RBMS1: variants seen among roughly 807,000 people sequenced by gnomAD.
The protein encoded by RBMS1 is RNA binding motif single stranded interacting protein 1.
RBMS1 carries 17 observed loss-of-function variants against 62.3 expected under a neutral mutation model. The ratio of observed to expected loss-of-function variants is 0.27; its 90% CI spans 0.19 to 0.41. The LOEUF is 0.41. Among genes scored for constraint, RBMS1 ranks in the 10% least tolerant of loss-of-function variants. The pLI, the probability that RBMS1 is intolerant of heterozygous loss-of-function variation, is 1.00. For synonymous variants in RBMS1, 172 were observed against 170.0 expected (o/e 1.01, Z -0.09); for missense variants, 334 against 504.5 (o/e 0.66, Z 3.24).
intron 1 of RBMS1, among the ~76,000 whole-genome samples, chr2:160,429,396 T>TA (rs1682794455): frequency 6.6e-6 from 1 of 152,334 alleles, no homozygotes; most frequent in South Asian, 2.1e-4. Context: ...GCCATCTTAT[T>TA]AAGTAAGCTC....
At chr2:160,421,208 C>T (rs1241616447) in intron 1 of RBMS1, among the ~76,000 whole-genome samples, 1 of 151,646 alleles carries the variant, frequency 6.6e-6, no homozygotes, top group Non-Finnish European at 1.5e-5. Flanking sequence ...AGGTTTGTTA[C>T]ATATATATAC....
intron 1 of RBMS1, among the ~76,000 whole-genome samples, chr2:160,381,613 G>A (rs1417252705): frequency 6.6e-6 from 1 of 152,204 alleles, no homozygotes; most frequent in African/African-American, 2.4e-5. Context: ...CAGGAGCTGA[G>A]TGGAAGAGAA....
intron 2 of RBMS1, among the ~76,000 whole-genome samples, chr2:160,333,420 T>C (rs1691390302): frequency 1.3e-5 from 2 of 152,204 alleles, no homozygotes; most frequent in African/African-American, 4.8e-5. Flanking sequence ...TTGTTTTACC[T>C]GGGTCAGCCC....
At position 160,289,808 on chromosome 2, in the gene RBMS1, A is replaced by G. The variant is rs180683869; in HGVS notation, c.641-2724T>C. On this transcript the variant is annotated intron_variant, in intron 6 of 13. Coordinates refer to ENST00000348849, the MANE Select transcript of RBMS1 (RefSeq NM_016836.4). The stretch of plus-strand genomic sequence containing the variant: ...TTGCTGTTCCATTTATTTGAAGGAC[A>G]TTATTAGAAACAGCTTCTCCCTATA... Among the ~76,000 whole-genome samples the G allele has an allele frequency of 1.2e-3, 178 of 152,094 alleles. 1 individual carries two copies. The highest frequency in any genetic ancestry group is 4.1e-3 in the African/African-American group (170 of 41,482).
At chr2:160,413,366 G>T (rs905823314) in intron 1 of RBMS1, among the ~76,000 whole-genome samples, 8 of 152,176 alleles carry the variant, frequency 5.3e-5, no homozygotes, top group Admixed American at 5.2e-4. Flanking sequence ...AAAAATAGGG[G>T]GTCAGCAGAT....
intron 1 of RBMS1, among the ~76,000 whole-genome samples, chr2:160,457,953 T>TTTGTTGTTGTTGTTGTTG (rs60006211): frequency 6.6e-6 from 1 of 150,446 alleles, no homozygotes; most frequent in South Asian, 2.1e-4. Flanking sequence ...TATTGGTTTG[T>TTTGTTGTTGTTGTTGTTG]TTGTTGTTGT....
At chr2:160,284,461 A>C (rs1688261015) in intron 9 of RBMS1, 3 of 360,800 alleles carry the variant, frequency 8.3e-6, no homozygotes, top group South Asian at 7.7e-5. Flanking sequence ...CAATTATCTT[A>C]AGTTTCAATT....
intron 2 of RBMS1, among the ~76,000 whole-genome samples, chr2:160,362,444 A>C (rs1693179406): frequency 6.6e-6 from 1 of 152,194 alleles, no homozygotes; most frequent in Non-Finnish European, 1.5e-5. Flanking sequence ...AGGCCACTGC[A>C]GGGCTATTAT....
chr2:160,303,611 A>G (rs1689331798), intron 4 of RBMS1, 124 bp from the exon 5 acceptor site: 1 of 1,038,492 alleles, frequency 9.6e-7, no homozygotes, highest in Non-Finnish European at 1.4e-6. Context: ...GAACCTCAGA[A>G]CACCAAAGTC....
chr2:160,374,820 C>T (rs1457533746), intron 1 of RBMS1, among the ~76,000 whole-genome samples: 1 of 151,844 alleles, frequency 6.6e-6, no homozygotes, highest in Non-Finnish European at 1.5e-5. Flanking sequence ...ATCCCAGCTA[C>T]TTGGGAGGCT....
intron 2 of RBMS1, among the ~76,000 whole-genome samples, chr2:160,324,888 A>G (rs1026772436): frequency 0.016 from 1,275 of 80,804 alleles, 16 homozygotes; most frequent in Non-Finnish European, 0.026. Context: ...GTGTGTATAT[A>G]TATATATATA....
chr2:160,396,799 G>T (rs1695167644), intron 1 of RBMS1, among the ~76,000 whole-genome samples: 1 of 151,942 alleles, frequency 6.6e-6, no homozygotes, highest in African/African-American at 2.4e-5. Flanking sequence ...TCCTGACCTC[G>T]TAATCCGCCC....
chr2:160,333,691 C>T (rs1213528342), intron 2 of RBMS1, among the ~76,000 whole-genome samples: 7 of 152,214 alleles, frequency 4.6e-5, no homozygotes, highest in East Asian at 1.9e-4. Context: ...AAGACAGGAA[C>T]GGGGAAAGTG....
At chr2:160,323,617 A>C (rs941084528) in intron 2 of RBMS1, among the ~76,000 whole-genome samples, 1 of 147,394 alleles carries the variant, frequency 6.8e-6, no homozygotes, top group African/African-American at 2.7e-5. Context: ...TGAAAGAAAA[A>C]AAAAAAAAAA....
intron 1 of RBMS1, among the ~76,000 whole-genome samples, chr2:160,490,116 T>C (rs556674392): frequency 2.6e-5 from 4 of 152,222 alleles, no homozygotes. Context: ...ATTATCAACA[T>C]CTTTTTTCTG....
chr2:160,480,632 C>A (rs1221957186), intron 1 of RBMS1, among the ~76,000 whole-genome samples: 1 of 152,032 alleles, frequency 6.6e-6, no homozygotes, highest in African/African-American at 2.4e-5. Context: ...AATTCTCCCC[C>A]AATTGATGTA....
intron 2 of RBMS1, among the ~76,000 whole-genome samples, chr2:160,366,632 A>C (rs1394731692): frequency 6.6e-6 from 1 of 152,230 alleles, no homozygotes; most frequent in Non-Finnish European, 1.5e-5. Context: ...ATATAATGCA[A>C]ATTTACTTTG....
At chr2:160,469,637 A>C (rs1293623665) in intron 1 of RBMS1, among the ~76,000 whole-genome samples, 1 of 152,086 alleles carries the variant, frequency 6.6e-6, no homozygotes, top group African/African-American at 2.4e-5. Context: ...TTCTACCCAG[A>C]CCTTCTGTTT....
chr2:160,441,063 G>A (rs1683389832), intron 1 of RBMS1, among the ~76,000 whole-genome samples: 1 of 152,212 alleles, frequency 6.6e-6, no homozygotes, highest in East Asian at 1.9e-4. Context: ...ACTGTCTGAT[G>A]TCTGTCATCA....
Sources: gnomAD v4.1 joint callset for allele counts (sites outside exome capture counted in the v4.1 genomes callset) on GRCh38, gnomAD v4.1.1 for gene constraint, MANE v1.5 for transcripts, NCBI Gene and HGNC (gene_info 2026-07-23, HGNC 2026-07-21) for gene names.